The following TMEM59 variants were observed in gnomAD, a reference collection of about 807,000 sequenced individuals.
TMEM59 encodes the protein transmembrane protein 59, also known as dendritic cell factor 1.
A neutral mutation model predicts 42.2 loss-of-function variants in TMEM59; 44 were observed. The ratio of observed to expected loss-of-function variants is 1.04; its 90% CI spans 0.82 to 1.34. The LOEUF (loss-of-function observed/expected upper bound fraction) is 1.34. Ranked by LOEUF, TMEM59 falls within the 40% of genes most tolerant of loss-of-function variation. TMEM59 has a pLI of 0.00. For synonymous variants in TMEM59, 148 were observed against 145.8 expected (o/e 1.02, Z -0.11); for missense variants, 359 against 382.8 (o/e 0.94, Z 0.52).
chr1:54,040,314 G>A (rs939383984), intron 6 of TMEM59, among the ~76,000 whole-genome samples: 61 of 151,948 alleles, frequency 4.0e-4, no homozygotes, highest in African/African-American at 1.5e-3. Flanking sequence ...CACCACGCCC[G>A]GCTAATTTTT....
In TMEM59 at chr1:54,031,305, C is replaced by G. The variant is rs922439056; in HGVS notation, c.*845G>C. 2.0e-5 allele frequency: 3 copies of G among 152,120 alleles called. No homozygotes were observed. Among genetic ancestry groups the G allele is most frequent in the Non-Finnish European group, 1.5e-5 (1 of 68,026 alleles). The allele number at this position is 152,120 out of a possible 1,614,324, so 9.4% of individuals were successfully genotyped here. On this transcript the variant is annotated 3_prime_UTR_variant, in exon 8 of 8. Coordinates refer to ENST00000234831, the MANE Select transcript of TMEM59 (RefSeq NM_004872.5). ...CCTGATATCATTCTAATATTAAGCT[C>G]TGTATTATTGCAGGTAAAAATAAAA...
In TMEM59 at chr1:54,047,293, T is replaced by C. The variant is rs745426917; in HGVS notation, c.269A>G (p.Asn90Ser). 9 of 1,613,818 alleles carry C rather than the reference T, an allele frequency of 5.6e-6. No individual in the cohort carries two copies. The Admixed American group carries it at 1.3e-4, about 24-fold the overall frequency. ...AGATTCACATTCCAATTTAGTTCGA[T>C]TTAAGTCAATTCCATCATCCACAAA... ...CQFVDDGIDL[N>S]RTKLECESAC... The change falls in exon 2 of 8, where the codon AAT becomes AGT. Residue 90 changes from asparagine to serine, a missense_variant. Coordinates refer to ENST00000234831, the MANE Select transcript of TMEM59 (RefSeq NM_004872.5).
chr1:54,045,432 G>C (rs1244683645), intron 3 of TMEM59: 1 of 389,356 alleles, frequency 2.6e-6, no homozygotes, highest in South Asian at 6.9e-5. Flanking sequence ...TTTTTCATAT[G>C]TAAAATGAGG....
chr1:54,037,937 A>C (rs1033163121), intron 6 of TMEM59, among the ~76,000 whole-genome samples: 5 of 152,200 alleles, frequency 3.3e-5, no homozygotes, highest in Admixed American at 3.3e-4. Flanking sequence ...CAACTACCTA[A>C]GCCAGAAAAC....
In TMEM59 at chr1:54,053,122, T is replaced by TCAG. The variant is rs761955906; in HGVS notation, c.64_66dup (p.Leu22dup). On this transcript the variant is annotated inframe_insertion, in exon 1 of 8. Coordinates refer to ENST00000234831, the MANE Select transcript of TMEM59 (RefSeq NM_004872.5). ...CCCGAACCTCCGGCCAAGGCCATGG[T>TCAG]CAGCAGCAGCAGCGGCGGGAGCCCC... 8 of 1,614,206 alleles carry TCAG rather than the reference T, an allele frequency of 5.0e-6. No individual in the cohort carries two copies. The highest frequency in any genetic ancestry group is 5.9e-6 in the Non-Finnish European group (7 of 1,180,022).
rs987016813 is a variant in TMEM59 at position 54,026,861 on chromosome 1, C to T, written c.*5289G>A. Reference sequence around the variant, plus strand: ...GGTGCTGATTTTTTTCCACCCAAGTCTTCAATTATTACTGTTCTAACACTG... The same window carrying T: ...GGTGCTGATTTTTTTCCACCCAAGTTTTCAATTATTACTGTTCTAACACTG... On this transcript the variant is annotated 3_prime_UTR_variant, in exon 8 of 8. Coordinates refer to ENST00000234831, the MANE Select transcript of TMEM59 (RefSeq NM_004872.5). 1.3e-5 allele frequency: 2 copies of T among 152,120 alleles called. No individual in the cohort carries two copies. The highest frequency in any genetic ancestry group is 2.9e-5 in the Non-Finnish European group (2 of 68,018). The allele number at this position is 152,120 out of a possible 1,614,324, so 9.4% of individuals were successfully genotyped here.
chr1:54,040,678 AAAT>A, intron 6 of TMEM59, 75 bp downstream of exon 6: 1 of 1,115,834 alleles, frequency 9.0e-7, no homozygotes, highest in Non-Finnish European at 1.3e-6. Flanking sequence ...GCTAATTTTA[AAAT>A]AATAAAAAGT....
chr1:54,043,771 A>G (rs555543703), intron 3 of TMEM59: 17 of 173,310 alleles, frequency 9.8e-5, no homozygotes, highest in Admixed American at 1.9e-4. Flanking sequence ...CTCTATCAGA[A>G]TAACAGGCTT....
At chr1:54,051,311 G>A (rs1657529756) in intron 1 of TMEM59, among the ~76,000 whole-genome samples, 1 of 152,094 alleles carries the variant, frequency 6.6e-6, no homozygotes, top group African/African-American at 2.4e-5. Flanking sequence ...CTACTTTACA[G>A]GGTTGTTGTG....
intron 1 of TMEM59, among the ~76,000 whole-genome samples, chr1:54,048,455 T>C (rs906589913): frequency 2.0e-5 from 3 of 152,236 alleles, no homozygotes; most frequent in Non-Finnish European, 2.9e-5. Context: ...ATAGTGTTAA[T>C]AGATTTTTAA....
chr1:54,052,890 G>A, intron 1 of TMEM59, 110 bp downstream of exon 1: 2 of 1,225,848 alleles, frequency 1.6e-6, no homozygotes, highest in Non-Finnish European at 1.2e-6. Context: ...ATGGGAGACA[G>A]CGATTGAAGG....
rs1384129534 is a variant in TMEM59, at chr1:54,026,819, CCT to C, written c.*5329_*5330del. The C allele has an allele frequency of 3.9e-5, 6 of 152,262 alleles. No individual in the cohort carries two copies. The highest frequency in any genetic ancestry group is 3.4e-3 in the Middle Eastern group (1 of 294). The allele number at this position is 152,262 out of a possible 1,614,324, so 9.4% of individuals were successfully genotyped here. A position where few individuals can be genotyped will look rare whatever the true frequency, so the allele number is the denominator to read the frequency against. ...ACATTATCAAGAGCTTTTGTTGAAA[CCT>C]TTCATTTTCAATCAGGTGCTGATTT... is the stretch of plus-strand genomic sequence containing the variant. On this transcript the variant is annotated 3_prime_UTR_variant, in exon 8 of 8. Coordinates refer to ENST00000234831, the MANE Select transcript of TMEM59 (RefSeq NM_004872.5).
In TMEM59 at chr1:54,027,664, G is replaced by C. The variant is rs1174868549; in HGVS notation, c.*4486C>G. Reference sequence around the variant, plus strand: ...CGCGCCTGTAGTACCAGCTACTTGGGAGGCTGAGGCACGAGAATCGCTTGA... The same window carrying C: ...CGCGCCTGTAGTACCAGCTACTTGGCAGGCTGAGGCACGAGAATCGCTTGA... On this transcript the variant is annotated 3_prime_UTR_variant, in exon 8 of 8. Coordinates refer to ENST00000234831, the MANE Select transcript of TMEM59 (RefSeq NM_004872.5). The C allele has an allele frequency of 6.6e-6, 1 of 152,116 alleles. No homozygotes were observed. The highest frequency in any genetic ancestry group is 2.4e-5 in the African/African-American group (1 of 41,390). 9.4% of individuals were successfully genotyped at this position (152,116 alleles called of 1,614,324 possible).
At position 54,045,716 on chromosome 1, in the gene TMEM59, T is replaced by C; in HGVS notation, c.366A>G (p.Pro122=). ...ACHLGCQNQL[P]FAELRQEQLM... ...CTTGTTCTTGTCTCAGTTCAGCGAATGGCAGCTGATTCTGGCAACCAAGAT... is the reference window on the plus strand; with the variant it reads ...CTTGTTCTTGTCTCAGTTCAGCGAACGGCAGCTGATTCTGGCAACCAAGAT... The change falls in exon 3 of 8, where the codon CCA becomes CCG. Residue 122 remains proline, a synonymous_variant. Transcript: ENST00000234831. 1.9e-6 allele frequency: 3 copies of C among 1,614,144 alleles called. No individual in the cohort carries two copies. Among genetic ancestry groups the C allele is most frequent in the Non-Finnish European group, 2.5e-6 (3 of 1,180,004 alleles).
At chr1:54,041,489 T>A (rs1022483339) in intron 5 of TMEM59, among the ~76,000 whole-genome samples, 8 of 152,218 alleles carry the variant, frequency 5.3e-5, no homozygotes, top group African/African-American at 1.9e-4. Flanking sequence ...TTGTGAGAAA[T>A]ACAAATTCTC....
chr1:54,051,603 C>CA (rs1445528187), intron 1 of TMEM59, among the ~76,000 whole-genome samples: 1 of 152,060 alleles, frequency 6.6e-6, no homozygotes, highest in East Asian at 1.9e-4. Context: ...GAGAAAATCC[C>CA]AAAAAAGGAA....
At chr1:54,038,890 C>A (rs1257521594) in intron 6 of TMEM59, among the ~76,000 whole-genome samples, 1 of 152,220 alleles carries the variant, frequency 6.6e-6, no homozygotes, top group Non-Finnish European at 1.5e-5. Flanking sequence ...CTTTGTCACT[C>A]AGGCAGTGCA....
At chr1:54,047,132 A>G (rs1657366138) in intron 2 of TMEM59, 135 bp downstream of exon 2, 2 of 677,850 alleles carry the variant, frequency 3.0e-6, no homozygotes, top group Non-Finnish European at 4.8e-6. Context: ...AAACTCTTAG[A>G]TCCATAATAA....
chr1:54,042,435 A>G (rs1342932225), intron 4 of TMEM59, among the ~76,000 whole-genome samples: 1 of 152,174 alleles, frequency 6.6e-6, no homozygotes, highest in Non-Finnish European at 1.5e-5. Context: ...TTATGCCTTG[A>G]GGTAAGTAGC....
Sources: allele counts gnomAD v4.1 joint callset (sites outside exome capture counted in the v4.1 genomes callset), GRCh38; gene constraint gnomAD v4.1.1; transcripts MANE v1.5; gene names NCBI Gene and HGNC (gene_info 2026-07-23, HGNC 2026-07-21).